The following KCNS3 variants were observed in gnomAD, a reference collection of about 807,000 sequenced individuals.
KCNS3 encodes the protein delayed-rectifier potassium channel regulatory subunit KCNS3.
KCNS3 carries 13 observed loss-of-function variants against 31.0 expected under a neutral mutation model. The observed-to-expected ratio is 0.42, with a 90% CI of 0.27 to 0.67. KCNS3 has a LOEUF of 0.67. Ranked by LOEUF, KCNS3 falls within the 30% of genes least tolerant of loss-of-function variation. The pLI, the probability that KCNS3 is intolerant of heterozygous loss-of-function variation, is 0.25. For missense variants in KCNS3, 545 were observed against 622.4 expected (o/e 0.88, Z 1.32); for synonymous variants, 238 against 241.5 (o/e 0.99, Z 0.13).
At chr2:17,926,738 TA>T (rs1662846807) in intron 2 of KCNS3, among the ~76,000 whole-genome samples, 1 of 152,222 alleles carries the variant, frequency 6.6e-6, no homozygotes, top group Admixed American at 6.5e-5. Flanking sequence ...GCCTAGCCCA[TA>T]AAAACTTTTT....
At chr2:17,914,087 C>T (rs1662531009) in intron 1 of KCNS3, among the ~76,000 whole-genome samples, 1 of 152,200 alleles carries the variant, frequency 6.6e-6, no homozygotes, top group Non-Finnish European at 1.5e-5. Context: ...AGTCAGCTAT[C>T]TCTTAGCCTT....
chr2:17,905,550 G>A (rs530559401), intron 1 of KCNS3, among the ~76,000 whole-genome samples: 28 of 152,240 alleles, frequency 1.8e-4, no homozygotes, highest in African/African-American at 6.7e-4. Flanking sequence ...GTTTTCAAAG[G>A]GAATGCTTCC....
intron 2 of KCNS3, among the ~76,000 whole-genome samples, chr2:17,928,374 C>T (rs933028874): frequency 2.6e-5 from 4 of 152,300 alleles, no homozygotes. Flanking sequence ...TCAAGTGATT[C>T]TCATGCCTCA....
intron 1 of KCNS3, among the ~76,000 whole-genome samples, chr2:17,891,186 C>T (rs1482892479): frequency 6.6e-6 from 1 of 152,088 alleles, no homozygotes; most frequent in East Asian, 1.9e-4. Flanking sequence ...TCTCTTTTAA[C>T]TGCTGTTAAA....
intron 1 of KCNS3, among the ~76,000 whole-genome samples, chr2:17,911,584 A>G (rs1229288593): frequency 1.3e-5 from 2 of 152,148 alleles, no homozygotes; most frequent in African/African-American, 4.8e-5. Flanking sequence ...AAGCAAAATC[A>G]CTCCAAATTC....
chr2:17,910,446 A>G (rs1168034440), intron 1 of KCNS3, among the ~76,000 whole-genome samples: 1 of 152,228 alleles, frequency 6.6e-6, no homozygotes, highest in African/African-American at 2.4e-5. Flanking sequence ...ATTTCAACAC[A>G]GACCCCCTAC....
chr2:17,921,060 G>A (rs1235185897), intron 2 of KCNS3, among the ~76,000 whole-genome samples: 1 of 152,148 alleles, frequency 6.6e-6, no homozygotes, highest in African/African-American at 2.4e-5. Context: ...CATTCATTCA[G>A]TTACATGTAC....
At chr2:17,890,956 A>G (rs998653701) in intron 1 of KCNS3, among the ~76,000 whole-genome samples, 2 of 152,180 alleles carry the variant, frequency 1.3e-5, no homozygotes, top group Non-Finnish European at 2.9e-5. Flanking sequence ...TCCAAGGTAT[A>G]GTTTAAATCC....
Position 17,922,312 on chromosome 2 carries a change from C to A in KCNS3, c.-60+4441C>A, listed in dbSNP as rs201707041. Among the ~76,000 whole-genome samples, 9 of 151,622 alleles carry A rather than the reference C, an allele frequency of 5.9e-5. No individual in the cohort carries two copies. The East Asian group carries it at 1.7e-3, about 29-fold the overall frequency. On this transcript the variant is annotated intron_variant, in intron 2 of 2. Coordinates refer to ENST00000304101, the MANE Select transcript of KCNS3 (RefSeq NM_002252.5). ...ATTATTTTATTATGAGATTTGAGTT[C>A]TATTATTTCTTTTTTTACTTATTAG...
At chr2:17,887,487 C>CGA (rs1193250849) in intron 1 of KCNS3, among the ~76,000 whole-genome samples, 3 of 143,360 alleles carry the variant, frequency 2.1e-5, no homozygotes, top group African/African-American at 7.8e-5. Context: ...ATCATATGAT[C>CGA]TATCTATCTA....
chr2:17,887,928 T>A (rs892533732), intron 1 of KCNS3, among the ~76,000 whole-genome samples: 2 of 152,220 alleles, frequency 1.3e-5, no homozygotes, highest in African/African-American at 4.8e-5. Context: ...TCATTAGCGA[T>A]GTTGTGCATT....
chr2:17,882,451 GACTT>G (rs1054413712), intron 1 of KCNS3, among the ~76,000 whole-genome samples: 3 of 152,326 alleles, frequency 2.0e-5, no homozygotes, highest in Admixed American at 1.3e-4. Context: ...GGGGTCTTCT[GACTT>G]TAAGTCCAGC....
chr2:17,930,896 G>T, intron 2 of KCNS3, 54 bp from the exon 3 acceptor site: 1 of 1,251,364 alleles, frequency 8.0e-7, no homozygotes. Context: ...TTAAAAATAA[G>T]CTTGGCTGGG....
rs1357675946 is a variant in KCNS3, at chr2:17,884,262, AAAAAAAAT to A, written c.-252+5458_-252+5465del. The stretch of plus-strand genomic sequence containing the variant: ...CTAGAACTTAAAGTATAATTAAAAA[AAAAAAAAT>A]ATATATATATATATATATATATATA... On this transcript the variant is annotated intron_variant, in intron 1 of 2. Transcript: ENST00000304101. 7.2e-3 allele frequency among the ~76,000 whole-genome samples: 372 copies of A among 51,710 alleles called. 3 individuals are homozygous for A. The highest frequency in any genetic ancestry group is 9.0e-3 in the Non-Finnish European group (230 of 25,536). 33.9% of individuals were successfully genotyped at this position (51,710 alleles called of 152,430 possible). A position where few individuals can be genotyped will look rare whatever the true frequency, so the allele number is the denominator to read the frequency against.
rs1185764948 is a variant in KCNS3 at position 17,884,269 on chromosome 2, ATATATATATATATAT to A, written c.-252+5464_-252+5478del. On this transcript the variant is annotated intron_variant, in intron 1 of 2. Transcript: ENST00000304101. ...TTAAAGTATAATTAAAAAAAAAAAA[ATATATATATATATAT>A]ATATATATATATATATATATTTAAA... Among the ~76,000 whole-genome samples, 40 of 35,570 alleles carry A rather than the reference ATATATATATATATAT, an allele frequency of 1.1e-3. No individual in the cohort carries two copies. In the East Asian group the frequency reaches 0.021, roughly 18 times the overall value. 23.3% of individuals were successfully genotyped at this position (35,570 alleles called of 152,430 possible).
intron 1 of KCNS3, among the ~76,000 whole-genome samples, chr2:17,891,442 C>T (rs534338173): frequency 3.3e-5 from 5 of 152,190 alleles, no homozygotes; most frequent in East Asian, 3.9e-4. Context: ...TTGCATTCAT[C>T]GTGCTCTTTG....
At chr2:17,885,476 C>T (rs754296537) in intron 1 of KCNS3, among the ~76,000 whole-genome samples, 12 of 152,192 alleles carry the variant, frequency 7.9e-5, no homozygotes, top group Non-Finnish European at 1.5e-4. Context: ...AATTGGTTCA[C>T]GCAATTATGG....
At chr2:17,904,504 T>C (rs1198275231) in intron 1 of KCNS3, among the ~76,000 whole-genome samples, 4 of 152,128 alleles carry the variant, frequency 2.6e-5, no homozygotes, top group Admixed American at 2.6e-4. Flanking sequence ...TTGCCATTGC[T>C]TTTGGTGTTT....
At chr2:17,911,469 G>T (rs1662470337) in intron 1 of KCNS3, among the ~76,000 whole-genome samples, 1 of 152,066 alleles carries the variant, frequency 6.6e-6, no homozygotes, top group Non-Finnish European at 1.5e-5. Flanking sequence ...AGCTGCTTAT[G>T]ACCTTTTATT....
Sources: allele counts gnomAD v4.1 joint callset (sites outside exome capture counted in the v4.1 genomes callset), GRCh38; gene constraint gnomAD v4.1.1; transcripts MANE v1.5; gene names NCBI Gene and HGNC (gene_info 2026-07-23, HGNC 2026-07-21).